The following FSD1L variants were observed in gnomAD, a reference collection of about 807,000 sequenced individuals.
FSD1L encodes FSD1-like protein.
In FSD1L, 45 loss-of-function variants were observed where a neutral mutation model predicts 71.6. That is an observed-to-expected ratio of 0.63 (90% CI 0.49 to 0.81). FSD1L has a LOEUF of 0.81. Ranked by LOEUF, FSD1L falls within the 30% of genes least tolerant of loss-of-function variation. The pLI, the probability that FSD1L is intolerant of heterozygous loss-of-function variation, is 0.00. For synonymous variants in FSD1L, 197 were observed against 207.2 expected, an observed-to-expected ratio of 0.95 and a Z score of 0.42; for missense variants, 561 against 618.1, an observed-to-expected ratio of 0.91 and a Z score of 0.98.
chr9:105,535,097 A>T lies in FSD1L; in HGVS notation c.1157A>T (p.Tyr386Phe). Residue 386 changes from tyrosine (Y) to phenylalanine (F), a missense_variant, in exon 12 of 14, where the codon TAT (tyrosine) becomes TTT (phenylalanine). Physicochemically the swap from Tyr to Phe is conservative, Grantham distance 22. This residue lies in a region of FSD1L where 53 missense variants were observed against 102.2 expected (regional missense o/e 0.52). Coordinates refer to ENST00000481272, the MANE Select transcript of FSD1L (RefSeq NM_001145313.3). Reference protein sequence around the residue: ...GDTAIESGQHYWEVKAQKDCK... With the variant: ...GDTAIESGQHFWEVKAQKDCK... ...ACTGCTATTGAAAGTGGACAACATTATTGGGAGGTCAAGGCCCAGAAGGAT... is the reference window on the plus strand; with the variant it reads ...ACTGCTATTGAAAGTGGACAACATTTTTGGGAGGTCAAGGCCCAGAAGGAT... The T allele has an allele frequency of 6.4e-7, 1 of 1,551,594 alleles. No individual in the cohort carries two copies. Among genetic ancestry groups the T allele is most frequent in the Admixed American group, 2.0e-5 (1 of 51,002 alleles).
At chr9:105,504,901 G>C (rs563873240) in intron 7 of FSD1L, among the ~76,000 whole-genome samples, 2 of 152,152 alleles carry the variant, frequency 1.3e-5, no homozygotes, top group Admixed American at 1.3e-4. Context: ...TATATTTGTG[G>C]AGAATTGAGC....
chr9:105,487,182 G>A (rs1588987455), intron 7 of FSD1L, among the ~76,000 whole-genome samples: 1 of 151,990 alleles, frequency 6.6e-6, no homozygotes, highest in South Asian at 2.1e-4. Context: ...AATGTAATTA[G>A]TTCTTGATGA....
rs1353459650 is a variant in FSD1L, at chr9:105,526,234, G to T, written c.1026-8259G>T. On this transcript the variant is annotated intron_variant, in intron 10 of 13. Coordinates refer to ENST00000481272, the MANE Select transcript of FSD1L (RefSeq NM_001145313.3). Reference sequence around the variant, plus strand: ...TCCATTGTATCAAAACTTCTATGAGGAGAGAGCACGATACCTGCAAACAAT... The same window carrying T: ...TCCATTGTATCAAAACTTCTATGAGTAGAGAGCACGATACCTGCAAACAAT... The T allele has an allele frequency of 2.5e-6, 4 of 1,599,602 alleles. No individual in the cohort carries two copies. In the South Asian group the frequency reaches 3.3e-5, roughly 13 times the overall value.
At chr9:105,545,574 T>C (rs1836941372) in intron 13 of FSD1L, among the ~76,000 whole-genome samples, 1 of 151,550 alleles carries the variant, frequency 6.6e-6, no homozygotes, top group South Asian at 2.1e-4. Context: ...CATAAATAGC[T>C]CTTATTATTT....
At chr9:105,443,403 C>A (rs1039368207), upstream of FSD1L, among the ~76,000 whole-genome samples, 3 of 152,236 alleles carry the variant, frequency 2.0e-5, no homozygotes, top group Admixed American at 2.0e-4. Flanking sequence ...ATGAGAACAA[C>A]ACAGAAAAGA....
At chr9:105,486,241 T>C (rs1480628927) in intron 7 of FSD1L, among the ~76,000 whole-genome samples, 2 of 152,210 alleles carry the variant, frequency 1.3e-5, no homozygotes, top group African/African-American at 4.8e-5. Context: ...AATTTCTATA[T>C]TTTCATTCAC....
intron 5 of FSD1L, chr9:105,472,287 A>G (rs1588955979): frequency 3.1e-6 from 1 of 321,418 alleles, no homozygotes; most frequent in Non-Finnish European, 5.7e-6. Flanking sequence ...GAGCACTGTA[A>G]TTGTGTAACT....
chr9:105,461,662 T>G (rs1482046474), intron 2 of FSD1L, 47 bp downstream of exon 2: 1 of 1,143,296 alleles, frequency 8.7e-7, no homozygotes, highest in East Asian at 2.6e-5. Context: ...AAGATCTGAT[T>G]CAAAATTAGA....
chr9:105,508,725 G>A lies in FSD1L; in HGVS notation c.895+10G>A, dbSNP rs1482965191. The A allele has an allele frequency of 1.4e-6, 2 of 1,479,004 alleles. No homozygotes were observed. Among genetic ancestry groups the A allele is most frequent in the South Asian group, 2.4e-5 (2 of 82,146 alleles). The allele number at this position is 1,479,004 out of a possible 1,614,324, so 91.6% of individuals were successfully genotyped here. On this transcript the variant is annotated intron_variant, in intron 9 of 13. Coordinates refer to ENST00000481272, the MANE Select transcript of FSD1L (RefSeq NM_001145313.3). ...ACTCTAGAGACCAAAGGTGAGATCA[G>A]TAGCTCTTTATACAGCATAAAACAA...
chr9:105,492,095 C>T (rs1485816910), intron 7 of FSD1L, among the ~76,000 whole-genome samples: 3 of 152,008 alleles, frequency 2.0e-5, no homozygotes, highest in Non-Finnish European at 4.4e-5. Context: ...CCTTGTACCT[C>T]TGGTAGAATT....
chr9:105,482,728 T>G (rs1238997231), intron 6 of FSD1L, among the ~76,000 whole-genome samples: 1 of 152,228 alleles, frequency 6.6e-6, no homozygotes, highest in Non-Finnish European at 1.5e-5. Context: ...GAGTTGTTCT[T>G]GTTTTTTTTA....
At chr9:105,521,023 G>A (rs1835115391) in intron 10 of FSD1L, 2 of 1,612,230 alleles carry the variant, frequency 1.2e-6, no homozygotes, top group Non-Finnish European at 1.7e-6. Flanking sequence ...CCAAACATCT[G>A]TAAGGAAAAC....
chr9:105,484,935 A>G (rs950943169), intron 7 of FSD1L, among the ~76,000 whole-genome samples: 3 of 152,236 alleles, frequency 2.0e-5, no homozygotes, highest in Admixed American at 2.0e-4. Flanking sequence ...TATTTATAAT[A>G]GTACCTGCAC....
In FSD1L at chr9:105,525,737, G is replaced by T. The variant is rs1554714649; in HGVS notation, c.1026-8756G>T. The T allele has an allele frequency of 4.0e-5, 64 of 1,602,944 alleles. No homozygotes were observed. The South Asian group carries it at 6.5e-4, about 16-fold the overall frequency. On this transcript the variant is annotated intron_variant, in intron 10 of 13. Coordinates refer to ENST00000481272, the MANE Select transcript of FSD1L (RefSeq NM_001145313.3). ...AAACACTCCATTCTCACCAATACAG[G>T]AGGAAGTCAAGCATATGAAGATTTT...
At chr9:105,495,543 A>G (rs1173880587) in intron 7 of FSD1L, among the ~76,000 whole-genome samples, 3 of 152,188 alleles carry the variant, frequency 2.0e-5, no homozygotes, top group African/African-American at 7.2e-5. Flanking sequence ...CCCTAGTGAG[A>G]TGAACCCGGT....
chr9:105,471,695 TTA>T (rs968701854), intron 4 of FSD1L, among the ~76,000 whole-genome samples: 11 of 141,950 alleles, frequency 7.7e-5, no homozygotes, highest in African/African-American at 2.7e-4. Context: ...TTAAAATTTG[TTA>T]TATATATATA....
chr9:105,520,551 T>A, intron 10 of FSD1L: 1 of 1,257,168 alleles, frequency 8.0e-7, no homozygotes. Context: ...CAGAAAGAAT[T>A]CATCAGCCAT....
At chr9:105,447,473 T>C (rs986005393), upstream of FSD1L, among the ~76,000 whole-genome samples, 2 of 152,126 alleles carry the variant, frequency 1.3e-5, no homozygotes, top group Non-Finnish European at 2.9e-5. Flanking sequence ...GCAGACTGAC[T>C]TGCTCAAAAT....
At chr9:105,462,729 G>A (rs188833382) in intron 2 of FSD1L, among the ~76,000 whole-genome samples, 1,603 of 150,950 alleles carry the variant, frequency 0.011, 32 homozygotes, top group African/African-American at 0.037. Flanking sequence ...CACCATGTTG[G>A]CCAGGCTGGT....
Sources: allele counts gnomAD v4.1 joint callset (sites outside exome capture counted in the v4.1 genomes callset), GRCh38; gene constraint gnomAD v4.1.1; regional missense constraint gnomAD v4.1.1; transcripts MANE v1.5; gene names NCBI Gene and HGNC (gene_info 2026-07-23, HGNC 2026-07-21).